The following PRKN variants were observed in gnomAD, a reference collection of about 807,000 sequenced individuals.
PRKN encodes parkin RBR E3 ubiquitin protein ligase, also known as E3 ubiquitin-protein ligase parkin.
In PRKN, 56 loss-of-function variants were observed where a neutral mutation model predicts 59.5. That is an observed-to-expected ratio of 0.94 (90% CI 0.76 to 1.18). The LOEUF (loss-of-function observed/expected upper bound fraction) is 1.18, where lower values mean the gene tolerates loss of function less well. PRKN is among the 50% of genes most tolerant of loss of function. The pLI, the probability that PRKN is intolerant of heterozygous loss-of-function variation, is 0.00. For missense variants in PRKN, 657 were observed against 596.4 expected, an observed-to-expected ratio of 1.10 and a Z score of -1.06; for synonymous variants, 250 against 222.1, an observed-to-expected ratio of 1.13 and a Z score of -1.12.
rs78087312 is a variant in PRKN at position 161,437,067 on chromosome 6, T to G, written c.1084-50190A>C. The stretch of plus-strand genomic sequence containing the variant: ...AATCACGGGTAGTACCGACCCTATA[T>G]ATGCTGTTTTTTCCTACACATACAT... On this transcript the variant is annotated intron_variant, in intron 9 of 11. Transcript: ENST00000366898. Among the ~76,000 whole-genome samples the G allele has an allele frequency of 7.9e-3, 1,209 of 152,230 alleles. 14 individuals are homozygous for G. The highest frequency in any genetic ancestry group is 0.061 in the East Asian group (315 of 5,180).
intron 1 of PRKN, among the ~76,000 whole-genome samples, chr6:162,636,399 C>G (rs954663732): frequency 6.6e-6 from 1 of 152,116 alleles, no homozygotes; most frequent in Non-Finnish European, 1.5e-5. Flanking sequence ...AATAAACCAA[C>G]CAATAAATAA....
chr6:161,485,534 A>T (rs908934922), intron 9 of PRKN, among the ~76,000 whole-genome samples: 1 of 152,196 alleles, frequency 6.6e-6, no homozygotes, highest in Non-Finnish European at 1.5e-5. Context: ...GCTAGTTTTC[A>T]TCCCCTCCCA....
chr6:162,665,019 G>T (rs935345640), intron 1 of PRKN, among the ~76,000 whole-genome samples: 1 of 152,000 alleles, frequency 6.6e-6, no homozygotes, highest in African/African-American at 2.4e-5. Context: ...ACTAGATATC[G>T]ATGGAACATA....
At chr6:162,290,222 A>C (rs1781366629) in intron 2 of PRKN, among the ~76,000 whole-genome samples, 1 of 151,884 alleles carries the variant, frequency 6.6e-6, no homozygotes, top group African/African-American at 2.4e-5. Context: ...CACGCTGAAA[A>C]ACTCCCTTCT....
chr6:161,372,028 A>T lies in PRKN; in HGVS notation c.1168-11823T>A, dbSNP rs1260113383. ...AAGTGCCACAGACGAGATCTTACAG[A>T]GTCTTGCCCCATGGGGCCCTAAATG... On this transcript the variant is annotated intron_variant, in intron 10 of 11. Transcript: ENST00000366898. This position sits in a 1 kb window ranked among gnomAD's most constrained non-coding sequence, Gnocchi z 4.2. Among the ~76,000 whole-genome samples, 1 of 152,254 alleles carries T rather than the reference A, an allele frequency of 6.6e-6. No individual in the cohort carries two copies. Among genetic ancestry groups the T allele is most frequent in the Non-Finnish European group, 1.5e-5 (1 of 68,044 alleles).
At chr6:161,808,619 A>C (rs1791434052) in intron 6 of PRKN, among the ~76,000 whole-genome samples, 1 of 152,182 alleles carries the variant, frequency 6.6e-6, no homozygotes, top group Non-Finnish European at 1.5e-5. Flanking sequence ...AAATTTTCAA[A>C]TGAAAACTTA....
chr6:162,070,264 C>G (rs901828971), intron 4 of PRKN, among the ~76,000 whole-genome samples: 2 of 152,168 alleles, frequency 1.3e-5, no homozygotes, highest in African/African-American at 4.8e-5. Flanking sequence ...ATAAGAGTAT[C>G]CATTTTATCT....
chr6:162,414,446 A>AC (rs1174473121), intron 2 of PRKN, among the ~76,000 whole-genome samples: 2 of 151,232 alleles, frequency 1.3e-5, no homozygotes, highest in Non-Finnish European at 3.0e-5. Flanking sequence ...GGTGGCTCAC[A>AC]CCTGTAATCC....
intron 2 of PRKN, among the ~76,000 whole-genome samples, chr6:162,279,290 A>G (rs1307254951): frequency 6.6e-6 from 1 of 151,912 alleles, no homozygotes; most frequent in Non-Finnish European, 1.5e-5. Context: ...GTGAGCTGAC[A>G]TTGCACCATT....
At chr6:161,505,795 T>C (rs1405461208) in intron 9 of PRKN, among the ~76,000 whole-genome samples, 3 of 117,256 alleles carry the variant, frequency 2.6e-5, no homozygotes, top group African/African-American at 6.9e-5. Flanking sequence ...CCTTTCCCCA[T>C]TGCTTGTTTT....
At chr6:161,943,953 T>TCAGCCTTGAGGAAGCAGCCTGAGGAAG (rs762872325) in intron 6 of PRKN, among the ~76,000 whole-genome samples, 16,464 of 69,018 alleles carry the variant, frequency 0.24, 3,045 homozygotes, top group South Asian at 0.32. Context: ...GCCTGAGGGA[T>TCAGCCTTGAGGAAGCAGCCTGAGGAAG]CAGCCTTGAG....
intron 1 of PRKN, among the ~76,000 whole-genome samples, chr6:162,526,336 A>G (rs1026490706): frequency 7.9e-5 from 12 of 151,180 alleles, no homozygotes; most frequent in Non-Finnish European, 1.2e-4. Flanking sequence ...AAAAAATCAG[A>G]AAACAGTCAA....
At chr6:161,616,405 T>G (rs1782695413) in intron 7 of PRKN, among the ~76,000 whole-genome samples, 1 of 144,564 alleles carries the variant, frequency 6.9e-6, no homozygotes, top group Non-Finnish European at 1.5e-5. Flanking sequence ...TTTTTCCATG[T>G]GTTCTTTTTT....
At chr6:161,532,158 CTCTCTCTCTA>C (rs1401714053) in intron 9 of PRKN, among the ~76,000 whole-genome samples, 6 of 57,952 alleles carry the variant, frequency 1.0e-4, no homozygotes, top group East Asian at 7.4e-4. Flanking sequence ...CTCTCTCTCT[CTCTCTCTCTA>C]TATATATATA....
At chr6:161,555,189 ATTTCT>A (rs1197860822) in intron 8 of PRKN, among the ~76,000 whole-genome samples, 5 of 151,666 alleles carry the variant, frequency 3.3e-5, no homozygotes, top group Non-Finnish European at 7.4e-5. Context: ...TTCATTTTCT[ATTTCT>A]TTTAAGACAA....
intron 1 of PRKN, among the ~76,000 whole-genome samples, chr6:162,583,580 T>C (rs538468497): frequency 6.6e-6 from 1 of 152,322 alleles, no homozygotes; most frequent in South Asian, 2.1e-4. Context: ...CCAACAATTA[T>C]TCCTGAGATT....
At chr6:161,786,949 A>G (rs898034847) in intron 6 of PRKN, among the ~76,000 whole-genome samples, 3 of 152,090 alleles carry the variant, frequency 2.0e-5, no homozygotes, top group African/African-American at 7.2e-5. Flanking sequence ...TTTACTGGAA[A>G]ACGAACCACA....
chr6:162,622,158 C>T (rs996446060), intron 1 of PRKN, among the ~76,000 whole-genome samples: 1 of 152,130 alleles, frequency 6.6e-6, no homozygotes, highest in Non-Finnish European at 1.5e-5. Context: ...TAGGCATCAA[C>T]AGTTCCCTTT....
chr6:162,280,719 C>A (rs1780852570), intron 2 of PRKN, among the ~76,000 whole-genome samples: 1 of 142,776 alleles, frequency 7.0e-6, no homozygotes, highest in Non-Finnish European at 1.5e-5. Flanking sequence ...TGAACTGAGA[C>A]CTGGAAGGTA....
Sources: allele counts gnomAD v4.1 joint callset (sites outside exome capture counted in the v4.1 genomes callset), GRCh38; gene constraint gnomAD v4.1.1; non-coding constraint Gnocchi (gnomAD v3.1); transcripts MANE v1.5; gene names NCBI Gene and HGNC (gene_info 2026-07-23, HGNC 2026-07-21).